CBLB: variants seen among roughly 807,000 people sequenced by gnomAD.
CBLB encodes E3 ubiquitin-protein ligase CBL-B.
In CBLB, 31 loss-of-function variants were observed where a neutral mutation model predicts 104.9. The observed-to-expected ratio is 0.30, with a 90% confidence interval of 0.22 to 0.40. The LOEUF (loss-of-function observed/expected upper bound fraction) is 0.40. CBLB is among the 10% of genes least tolerant of loss of function. The pLI, the probability that CBLB is intolerant of heterozygous loss-of-function variation, is 1.00. For synonymous variants in CBLB, 440 were observed against 422.6 expected (o/e 1.04, Z -0.51); for missense variants, 1,062 against 1,214.6 (o/e 0.87, Z 1.87).
At chr3:105,845,316 C>T (rs2090092110) in intron 3 of CBLB, among the ~76,000 whole-genome samples, 1 of 143,114 alleles carries the variant, frequency 7.0e-6, no homozygotes, top group Non-Finnish European at 1.5e-5. Context: ...AAAATACTTG[C>T]AATAAGTTTT....
chr3:105,707,679 C>T (rs564661037), intron 10 of CBLB, among the ~76,000 whole-genome samples: 1 of 152,114 alleles, frequency 6.6e-6, no homozygotes, highest in South Asian at 2.1e-4. Context: ...TTTGAGTCAT[C>T]ACAAATTGTG....
intron 4 of CBLB, among the ~76,000 whole-genome samples, chr3:105,758,810 T>C (rs912333642): frequency 6.6e-6 from 1 of 152,212 alleles, no homozygotes; most frequent in Non-Finnish European, 1.5e-5. Context: ...GGGGAACCAG[T>C]GGCACCCAAA....
chr3:105,765,655 T>C (rs1448008786), intron 4 of CBLB, among the ~76,000 whole-genome samples: 1 of 152,164 alleles, frequency 6.6e-6, no homozygotes, highest in African/African-American at 2.4e-5. Context: ...AAATCTACTC[T>C]TCCTGTGCTC....
At chr3:105,685,817 T>C (rs866112387) in intron 13 of CBLB, among the ~76,000 whole-genome samples, 1 of 152,154 alleles carries the variant, frequency 6.6e-6, no homozygotes, top group African/African-American at 2.4e-5. Context: ...TGTTCCAATT[T>C]AAATTAAATG....
chr3:105,723,604 A>G (rs2073188012), intron 9 of CBLB, among the ~76,000 whole-genome samples: 1 of 152,134 alleles, frequency 6.6e-6, no homozygotes, highest in Non-Finnish European at 1.5e-5. Context: ...ACATTGACAA[A>G]CAAATAGAAA....
chr3:105,750,248 T>C (rs971511029), intron 5 of CBLB, among the ~76,000 whole-genome samples: 7 of 152,076 alleles, frequency 4.6e-5, no homozygotes, highest in Non-Finnish European at 8.8e-5. Context: ...CAGGAGTTAA[T>C]CTCTCTTCTA....
At position 105,763,467 on chromosome 3, in the gene CBLB, G is replaced by T. The variant is rs1297825097; in HGVS notation, c.567-11849C>A. 2.0e-5 allele frequency among the ~76,000 whole-genome samples: 3 copies of T among 152,166 alleles called. No individual in the cohort carries two copies. In the East Asian group the frequency reaches 5.8e-4, roughly 29 times the overall value. ...AGGAGGTATTTGAATCATGGGAGTG[G>T]TTTCCCACAAACTATTCTTGTGGTA... On this transcript the variant is annotated intron_variant, in intron 4 of 18. Coordinates refer to ENST00000394030, the MANE Select transcript of CBLB (RefSeq NM_170662.5).
intron 8 of CBLB, among the ~76,000 whole-genome samples, chr3:105,735,559 T>C (rs920784124): frequency 1.3e-5 from 2 of 152,308 alleles, no homozygotes; most frequent in South Asian, 2.1e-4. Context: ...AATGGCTTTA[T>C]AAAGAGGAAC....
At chr3:105,710,930 T>C (rs2070978788) in intron 10 of CBLB, among the ~76,000 whole-genome samples, 1 of 151,962 alleles carries the variant, frequency 6.6e-6, no homozygotes, top group Admixed American at 6.6e-5. Context: ...AGAAGTAAAG[T>C]AGTCAAAAGC....
At chr3:105,698,402 T>TA (rs1162303472) in intron 12 of CBLB, among the ~76,000 whole-genome samples, 1 of 151,990 alleles carries the variant, frequency 6.6e-6, no homozygotes, top group African/African-American at 2.4e-5. Flanking sequence ...GGACGAGTAA[T>TA]GAAGGGAAGC....
intron 10 of CBLB, among the ~76,000 whole-genome samples, chr3:105,704,601 G>T (rs1306944522): frequency 6.6e-6 from 1 of 151,922 alleles, no homozygotes; most frequent in East Asian, 1.9e-4. Context: ...TTCCAAACAT[G>T]TATCTTGTAT....
At chr3:105,751,650 G>A (rs752964388) in intron 4 of CBLB, 32 bp from the exon 5 acceptor site, 2 of 1,578,106 alleles carry the variant, frequency 1.3e-6, no homozygotes, top group South Asian at 1.1e-5. Context: ...GGAAATAATT[G>A]AATCAAGTAT....
chr3:105,823,540 T>C (rs1405764037), intron 3 of CBLB, among the ~76,000 whole-genome samples: 16 of 152,210 alleles, frequency 1.1e-4, no homozygotes, highest in Admixed American at 1.0e-3. Context: ...ATTCATATTA[T>C]TTGGTTAGCT....
intron 3 of CBLB, among the ~76,000 whole-genome samples, chr3:105,784,768 AT>A (rs2080761568): frequency 6.6e-6 from 1 of 152,152 alleles, no homozygotes; most frequent in Non-Finnish European, 1.5e-5. Flanking sequence ...CAAATCAAGG[AT>A]GGCTTTTGTC....
At chr3:105,840,962 TTAA>T (rs1367927583) in intron 3 of CBLB, among the ~76,000 whole-genome samples, 1 of 152,078 alleles carries the variant, frequency 6.6e-6, no homozygotes, top group Non-Finnish European at 1.5e-5. Flanking sequence ...TGTTCCTTCT[TTAA>T]TTATTAAAGT....
At chr3:105,711,044 G>A (rs532729537) in intron 10 of CBLB, among the ~76,000 whole-genome samples, 2 of 151,954 alleles carry the variant, frequency 1.3e-5, no homozygotes, top group South Asian at 2.1e-4. Context: ...TTATAAAAAC[G>A]TTAATAAGAT....
chr3:105,725,520 T>C (rs1475429019), intron 9 of CBLB, among the ~76,000 whole-genome samples: 1 of 152,234 alleles, frequency 6.6e-6, no homozygotes, highest in East Asian at 1.9e-4. Flanking sequence ...CAAGCACTTA[T>C]TCTACCAGAT....
At chr3:105,743,591 T>C (rs1010252618) in intron 6 of CBLB, among the ~76,000 whole-genome samples, 1 of 152,026 alleles carries the variant, frequency 6.6e-6, no homozygotes, top group African/African-American at 2.4e-5. Context: ...TTTCCAAATG[T>C]TACTACCTTC....
chr3:105,717,073 G>A (rs1193234993), intron 10 of CBLB, among the ~76,000 whole-genome samples: 1 of 152,074 alleles, frequency 6.6e-6, no homozygotes, highest in Non-Finnish European at 1.5e-5. Context: ...CTGAAAAGAG[G>A]CTCAAGCTTC....
Sources: gnomAD v4.1 joint callset for allele counts (sites outside exome capture counted in the v4.1 genomes callset) on GRCh38, gnomAD v4.1.1 for gene constraint, MANE v1.5 for transcripts, NCBI Gene and HGNC (gene_info 2026-07-23, HGNC 2026-07-21) for gene names.